FANCC: variants seen among roughly 807,000 people sequenced by gnomAD.
FANCC encodes FA complementation group C, also known as Fanconi anemia group C protein.
FANCC carries 55 observed loss-of-function variants against 71.3 expected under a neutral mutation model. The observed-to-expected ratio is 0.77, with a 90% confidence interval of 0.62 to 0.97. The LOEUF is 0.97. FANCC is among the 50% of genes least tolerant of loss of function. FANCC has a pLI of 0.00. For missense variants in FANCC, 678 were observed against 670.9 expected, an observed-to-expected ratio of 1.01 and a Z score of -0.12; for synonymous variants, 275 against 244.9, an observed-to-expected ratio of 1.12 and a Z score of -1.15.
At chr9:95,258,591 T>C (rs561092783) in intron 1 of FANCC, among the ~76,000 whole-genome samples, 34 of 152,194 alleles carry the variant, frequency 2.2e-4, no homozygotes, top group Non-Finnish European at 4.1e-4. Context: ...TCATACTAAA[T>C]GGGCAAAAAC....
intron 6 of FANCC, among the ~76,000 whole-genome samples, chr9:95,156,748 G>A (rs929034588): frequency 1.3e-5 from 2 of 152,132 alleles, no homozygotes; most frequent in African/African-American, 2.4e-5. Context: ...AGTAGAAGCC[G>A]GTTTAATGAA....
intron 7 of FANCC, among the ~76,000 whole-genome samples, chr9:95,137,197 G>A (rs1733877412): frequency 6.6e-6 from 1 of 152,182 alleles, no homozygotes. Context: ...GTGAAGCCCA[G>A]CAACTGGGTC....
chr9:95,117,746 G>A (rs1215933785), intron 10 of FANCC, among the ~76,000 whole-genome samples: 8 of 137,342 alleles, frequency 5.8e-5, no homozygotes, highest in Admixed American at 5.4e-4. Flanking sequence ...TTTTTGAAAC[G>A]GAGTTTTGCT....
At chr9:95,260,648 C>T (rs1372355478) in intron 1 of FANCC, among the ~76,000 whole-genome samples, 1 of 149,814 alleles carries the variant, frequency 6.7e-6, no homozygotes, top group Non-Finnish European at 1.5e-5. Flanking sequence ...GGCTAACAAA[C>T]CTGCACATTC....
intron 1 of FANCC, among the ~76,000 whole-genome samples, chr9:95,255,822 T>C (rs1831621460): frequency 6.6e-6 from 1 of 152,148 alleles, no homozygotes; most frequent in East Asian, 1.9e-4. Flanking sequence ...GAGGAACTGC[T>C]AACTAGAATA....
chr9:95,162,566 C>G (rs1830815325), intron 6 of FANCC, among the ~76,000 whole-genome samples: 1 of 152,166 alleles, frequency 6.6e-6, no homozygotes, highest in Admixed American at 6.5e-5. Context: ...GTTTAACATT[C>G]CTAGCAACAG....
intron 6 of FANCC, among the ~76,000 whole-genome samples, chr9:95,159,679 T>C (rs1326821278): frequency 6.6e-6 from 1 of 152,166 alleles, no homozygotes; most frequent in Non-Finnish European, 1.5e-5. Context: ...TTTCTCCACA[T>C]CCTCTCCAGC....
chr9:95,303,049 G>A (rs1588442765), intron 1 of FANCC, among the ~76,000 whole-genome samples: 2 of 152,026 alleles, frequency 1.3e-5, no homozygotes, highest in East Asian at 3.9e-4. Flanking sequence ...GAGAGGGAGA[G>A]GTGTAAGGCA....
intron 3 of FANCC, among the ~76,000 whole-genome samples, chr9:95,244,077 G>A (rs759517931): frequency 1.3e-5 from 2 of 152,232 alleles, no homozygotes; most frequent in Non-Finnish European, 2.9e-5. Context: ...AGGTGCTAAG[G>A]AAAGATCACA....
intron 4 of FANCC, among the ~76,000 whole-genome samples, chr9:95,218,603 A>G (rs1191899222): frequency 2.6e-5 from 4 of 152,228 alleles, no homozygotes; most frequent in Non-Finnish European, 5.9e-5. Context: ...TTAAAAAGAT[A>G]ACATTACATG....
intron 1 of FANCC, chr9:95,293,359 G>A: frequency 6.3e-7 from 1 of 1,597,826 alleles, no homozygotes; most frequent in South Asian, 1.1e-5. Context: ...CAGGGGCTGT[G>A]CACTTACTGC....
chr9:95,111,037 G>T, intron 13 of FANCC: 1 of 1,456,612 alleles, frequency 6.9e-7, no homozygotes, highest in Non-Finnish European at 9.0e-7. Flanking sequence ...AGACAGTCAA[G>T]ATGGAAGCAA....
intron 4 of FANCC, among the ~76,000 whole-genome samples, chr9:95,234,665 TAAGA>T (rs1189103588): frequency 1.3e-5 from 2 of 152,068 alleles, no homozygotes; most frequent in Non-Finnish European, 2.9e-5. Flanking sequence ...ACTGAACCAA[TAAGA>T]TAGACACACA....
chr9:95,275,891 C>G (rs528192870), intron 1 of FANCC, among the ~76,000 whole-genome samples: 12 of 152,272 alleles, frequency 7.9e-5, no homozygotes, highest in African/African-American at 2.9e-4. Context: ...ACTCTACACA[C>G]TCTGAGCATA....
Position 95,107,442 on chromosome 9 carries a change from G to GC in FANCC, c.1330-174dup, listed in dbSNP as rs2071539766. On this transcript the variant is annotated intron_variant, in intron 13 of 14. Transcript: ENST00000289081. ...CTCGATTTCACACAAACCCAAATGGGCGGAATGGAAATTTCTTGACTTTCT... is the reference window on the plus strand; with the variant it reads ...CTCGATTTCACACAAACCCAAATGGGCCGGAATGGAAATTTCTTGACTTTCT... The GC allele has an allele frequency of 5.7e-6, 4 of 696,772 alleles. No homozygotes were observed. The East Asian group carries it at 1.1e-4, about 19-fold the overall frequency. The allele number at this position is 696,772 out of a possible 1,614,324, so 43.2% of individuals were successfully genotyped here. A position where few individuals can be genotyped will look rare whatever the true frequency, so the allele number is the denominator to read the frequency against.
intron 8 of FANCC, chr9:95,127,418 G>A (rs1201145717): frequency 6.6e-6 from 1 of 152,242 alleles, no homozygotes; most frequent in Admixed American, 6.5e-5. Context: ...AGACCGGGAG[G>A]GGGAGATGGT....
At chr9:95,293,941 A>T in intron 1 of FANCC, 2 of 1,588,480 alleles carry the variant, frequency 1.3e-6, no homozygotes, top group South Asian at 2.2e-5. Context: ...CATTATAAGC[A>T]ACAGTTTAGT....
At chr9:95,138,605 C>T (rs1828087865) in intron 7 of FANCC, among the ~76,000 whole-genome samples, 1 of 152,190 alleles carries the variant, frequency 6.6e-6, no homozygotes, top group African/African-American at 2.4e-5. Flanking sequence ...CCATGTAACA[C>T]GAATCTGTAT....
chr9:95,115,475 A>G lies in FANCC; in HGVS notation c.1073-765T>C, dbSNP rs943439329. ...TTCCTAGGGCTGTGATGAATTCACA[A>G]TATGATTTCAGGTTTACAGTGGAAA... On this transcript the variant is annotated intron_variant, in intron 11 of 14. Coordinates refer to ENST00000289081, the MANE Select transcript of FANCC (RefSeq NM_000136.3). Among the ~76,000 whole-genome samples, 4 of 152,248 alleles carry G rather than the reference A, an allele frequency of 2.6e-5. No homozygotes were observed. In the East Asian group the frequency reaches 5.8e-4, roughly 22 times the overall value.
Sources: allele counts gnomAD v4.1 joint callset (sites outside exome capture counted in the v4.1 genomes callset), GRCh38; gene constraint gnomAD v4.1.1; transcripts MANE v1.5; gene names NCBI Gene and HGNC (gene_info 2026-07-23, HGNC 2026-07-21).